The following STIM1 variants were observed in gnomAD, a reference collection of about 807,000 sequenced individuals.
The protein encoded by STIM1 is stromal interaction molecule 1.
A neutral mutation model predicts 74.7 loss-of-function variants in STIM1; 25 were observed. The observed-to-expected ratio is 0.33, with a 90% confidence interval of 0.24 to 0.47. The LOEUF (loss-of-function observed/expected upper bound fraction) is 0.47. Ranked by LOEUF, STIM1 falls within the 20% of genes least tolerant of loss-of-function variation. The pLI, the probability that STIM1 is intolerant of heterozygous loss-of-function variation, is 1.00. For missense variants in STIM1, 728 were observed against 920.8 expected, an observed-to-expected ratio of 0.79 and a Z score of 2.71; for synonymous variants, 328 against 348.8, an observed-to-expected ratio of 0.94 and a Z score of 0.66.
At chr11:3,922,987 T>C (rs534395922) in intron 1 of STIM1, among the ~76,000 whole-genome samples, 1 of 151,570 alleles carries the variant, frequency 6.6e-6, no homozygotes, top group Non-Finnish European at 1.5e-5. Flanking sequence ...TGGTCCCAGC[T>C]ACTCGGGAGG....
chr11:3,960,605 T>C (rs775733128), intron 1 of STIM1, among the ~76,000 whole-genome samples: 28 of 152,228 alleles, frequency 1.8e-4, no homozygotes, highest in Admixed American at 6.5e-5. Flanking sequence ...AAAAGTTTAT[T>C]CATATAGTTT....
At chr11:4,059,248 A>C (rs2094313458) in intron 4 of STIM1, 33 bp from the exon 5 acceptor site, 2 of 1,577,444 alleles carry the variant, frequency 1.3e-6, no homozygotes, top group South Asian at 1.1e-5. Context: ...CTTTACTGGG[A>C]GGGAACTGAT....
intron 12 of STIM1, among the ~76,000 whole-genome samples, chr11:4,087,890 TA>T (rs780880189): frequency 1.1e-4 from 16 of 150,738 alleles, no homozygotes; most frequent in Admixed American, 2.0e-4. Context: ...ATAGCGGACA[TA>T]GGTTTTGGGG....
At chr11:4,060,640 C>A (rs551109375) in intron 5 of STIM1, among the ~76,000 whole-genome samples, 1 of 152,126 alleles carries the variant, frequency 6.6e-6, no homozygotes, top group Admixed American at 6.5e-5. Context: ...AAGGCGTAGT[C>A]TCTGTATTGA....
chr11:3,883,557 TGGTCAG>T (rs1464616277), intron 1 of STIM1, among the ~76,000 whole-genome samples: 1 of 152,238 alleles, frequency 6.6e-6, no homozygotes, highest in Non-Finnish European at 1.5e-5. Context: ...TTTACCATGT[TGGTCAG>T]GCTGGTCTCG....
intron 2 of STIM1, among the ~76,000 whole-genome samples, chr11:4,019,862 C>T (rs948564516): frequency 2.3e-4 from 35 of 151,948 alleles, no homozygotes; most frequent in African/African-American, 7.3e-4. Context: ...CTAAAATCAC[C>T]CTACTGTGCA....
At chr11:3,885,197 G>C (rs1477443559) in intron 1 of STIM1, among the ~76,000 whole-genome samples, 1 of 136,766 alleles carries the variant, frequency 7.3e-6, no homozygotes, top group African/African-American at 2.7e-5. Flanking sequence ...TTTTTTTTTT[G>C]AGACAGTATC....
At chr11:4,017,134 A>G (rs945222587) in intron 2 of STIM1, among the ~76,000 whole-genome samples, 45 of 152,170 alleles carry the variant, frequency 3.0e-4, no homozygotes, top group Non-Finnish European at 2.8e-4. Flanking sequence ...GGGAATGCAG[A>G]AATCACCCGT....
At chr11:3,905,896 T>A (rs1051458447) in intron 1 of STIM1, among the ~76,000 whole-genome samples, 8 of 152,064 alleles carry the variant, frequency 5.3e-5, no homozygotes, top group African/African-American at 1.9e-4. Context: ...AAAGGTAGAG[T>A]TCTGGGGCTA....
intron 1 of STIM1, chr11:3,921,765 T>C (rs1029767118): frequency 2.0e-5 from 3 of 148,484 alleles, no homozygotes; most frequent in Admixed American, 6.6e-5. Flanking sequence ...CACTACAGTT[T>C]CCTTTTTGCT....
At position 4,004,060 on chromosome 11, in the gene STIM1, A is replaced by G. The variant is rs576553756; in HGVS notation, c.271-19813A>G. ...GACGTGAATGACCTCTTCAAGGAGA[A>G]CTACAAACCACTGCTCAATGAAATA... On this transcript the variant is annotated intron_variant, in intron 2 of 12. Coordinates refer to ENST00000526596, the MANE Select transcript of STIM1 (RefSeq NM_001382567.1). 3.9e-5 allele frequency among the ~76,000 whole-genome samples: 6 copies of G among 152,332 alleles called. No individual in the cohort carries two copies. In the East Asian group the frequency reaches 1.2e-3, roughly 29 times the overall value.
At chr11:3,902,545 A>T (rs943560096) in intron 1 of STIM1, among the ~76,000 whole-genome samples, 8 of 152,208 alleles carry the variant, frequency 5.3e-5, no homozygotes, top group African/African-American at 1.7e-4. Flanking sequence ...AGTTCACAAT[A>T]GGCTTTGCAC....
At chr11:4,072,318 A>G (rs899984065) in intron 6 of STIM1, among the ~76,000 whole-genome samples, 3 of 152,214 alleles carry the variant, frequency 2.0e-5, no homozygotes, top group African/African-American at 7.2e-5. Context: ...CAGACCTGCA[A>G]TGCCAGCTTT....
chr11:3,945,018 C>T (rs1283169872), intron 1 of STIM1, among the ~76,000 whole-genome samples: 1 of 152,160 alleles, frequency 6.6e-6, no homozygotes, highest in African/African-American at 2.4e-5. Flanking sequence ...CAGTACTCAC[C>T]AGGCTGTCTT....
chr11:3,964,104 A>T (rs78603386), intron 1 of STIM1, among the ~76,000 whole-genome samples: 6 of 152,236 alleles, frequency 3.9e-5, no homozygotes, highest in Non-Finnish European at 5.9e-5. Flanking sequence ...TGGAGGCTCA[A>T]ATAAATTAAC....
chr11:4,036,860 A>G (rs2094107446), intron 3 of STIM1, among the ~76,000 whole-genome samples: 1 of 152,202 alleles, frequency 6.6e-6, no homozygotes, highest in African/African-American at 2.4e-5. Flanking sequence ...AAGCAAATGC[A>G]ACACAAGCAA....
chr11:3,935,573 T>C (rs2135578469), intron 1 of STIM1, among the ~76,000 whole-genome samples: 1 of 152,346 alleles, frequency 6.6e-6, no homozygotes, highest in Admixed American at 6.5e-5. Context: ...AACTGCATGG[T>C]CTAAGCCAGA....
chr11:3,959,037 G>A (rs2093254459), intron 1 of STIM1, among the ~76,000 whole-genome samples: 1 of 151,590 alleles, frequency 6.6e-6, no homozygotes, highest in African/African-American at 2.4e-5. Flanking sequence ...TAGGCCCCAT[G>A]CTATTTTATC....
At chr11:4,000,833 T>C (rs1474962819) in intron 2 of STIM1, among the ~76,000 whole-genome samples, 90 of 152,148 alleles carry the variant, frequency 5.9e-4, no homozygotes, top group African/African-American at 2.0e-3. Context: ...AGTTGAAAAC[T>C]TTGAAAAAAA....
Sources: gnomAD v4.1 joint callset for allele counts (sites outside exome capture counted in the v4.1 genomes callset) on GRCh38, gnomAD v4.1.1 for gene constraint, MANE v1.5 for transcripts, NCBI Gene and HGNC (gene_info 2026-07-23, HGNC 2026-07-21) for gene names.